The following FSTL4 variants were observed in gnomAD, a reference collection of about 807,000 sequenced individuals.
The protein encoded by FSTL4 is follistatin like 4.
Under a neutral mutation model 78.2 loss-of-function variants are expected in FSTL4, and 28 were observed. That is an observed-to-expected ratio of 0.36 (90% CI 0.27 to 0.49). The LOEUF is 0.49. Ranked by LOEUF, FSTL4 falls within the 20% of genes least tolerant of loss-of-function variation. FSTL4 has a pLI of 0.98. For missense variants in FSTL4, 922 were observed against 1,084.9 expected (o/e 0.85, Z 2.11); for synonymous variants, 422 against 440.5 (o/e 0.96, Z 0.53).
At chr5:133,438,986 G>A (rs762291482) in intron 3 of FSTL4, among the ~76,000 whole-genome samples, 6 of 152,242 alleles carry the variant, frequency 3.9e-5, no homozygotes, top group Non-Finnish European at 8.8e-5. Flanking sequence ...GGAAGTCAGT[G>A]TAGGTAATAA....
the FSTL4 span, among the ~76,000 whole-genome samples, chr5:133,779,293 A>G: frequency 6.6e-6 from 1 of 152,154 alleles, no homozygotes; most frequent in Non-Finnish European, 1.5e-5. Flanking sequence ...CCCTTATAAA[A>G]TAAGTGATGT....
At chr5:133,500,644 G>C (rs1758474634) in intron 3 of FSTL4, among the ~76,000 whole-genome samples, 1 of 152,088 alleles carries the variant, frequency 6.6e-6, no homozygotes, top group Non-Finnish European at 1.5e-5. Context: ...TTCCAAGCTT[G>C]CACTCTCAGG....
At chr5:133,534,311 G>A (rs1034142275) in intron 3 of FSTL4, among the ~76,000 whole-genome samples, 6 of 152,182 alleles carry the variant, frequency 3.9e-5, no homozygotes, top group African/African-American at 1.4e-4. Flanking sequence ...TCCCTCTGCT[G>A]TTTTCCAGTG....
chr5:133,471,871 C>A (rs943577979), intron 3 of FSTL4, among the ~76,000 whole-genome samples: 1 of 152,230 alleles, frequency 6.6e-6, no homozygotes, highest in Admixed American at 6.5e-5. Flanking sequence ...TAACACTACA[C>A]TTTTCATCCC....
rs994605592 is a variant in FSTL4 at position 133,438,364 on chromosome 5, T to C, written c.161-37378A>G. ...CTTCCAGAATGCTAGTAGAGTTTTT[T>C]GGTGTGGGTATTTCAAAACCCTTTC... is the stretch of plus-strand genomic sequence containing the variant. On this transcript the variant is annotated intron_variant, in intron 3 of 15. Transcript: ENST00000265342. Among the ~76,000 whole-genome samples the C allele has an allele frequency of 4.6e-5, 7 of 152,376 alleles. No homozygotes were observed. The East Asian group carries it at 1.3e-3, about 29-fold the overall frequency.
chr5:133,419,719 T>C (rs1304862764), intron 3 of FSTL4, among the ~76,000 whole-genome samples: 1 of 152,252 alleles, frequency 6.6e-6, no homozygotes, highest in Non-Finnish European at 1.5e-5. Context: ...CAGCAGATTA[T>C]GAATGTTCTG....
chr5:133,288,783 C>T (rs1220928476), intron 6 of FSTL4, among the ~76,000 whole-genome samples: 1 of 152,176 alleles, frequency 6.6e-6, no homozygotes, highest in Admixed American at 6.5e-5. Flanking sequence ...CAGCCCCTGT[C>T]AGGACAGCTG....
chr5:133,685,002 A>C, the FSTL4 span, among the ~76,000 whole-genome samples: 1 of 152,268 alleles, frequency 6.6e-6, no homozygotes, highest in Non-Finnish European at 1.5e-5. Flanking sequence ...GACCTGCTCC[A>C]AACAGCCTAT....
the FSTL4 span, among the ~76,000 whole-genome samples, chr5:133,704,364 A>G: frequency 1.3e-5 from 2 of 152,216 alleles, no homozygotes; most frequent in African/African-American, 4.8e-5. Flanking sequence ...TAGAGCAATA[A>G]GCAGAGATCC....
intron 1 of FSTL4, 121 bp from the exon 2 acceptor site, chr5:133,604,114 C>A: frequency 1.4e-6 from 1 of 691,062 alleles, no homozygotes; most frequent in Non-Finnish European, 2.5e-6. Flanking sequence ...TGGCACCAAA[C>A]TTCTGTTCTA....
intron 3 of FSTL4, among the ~76,000 whole-genome samples, chr5:133,495,198 G>A (rs577535060): frequency 3.0e-4 from 46 of 152,276 alleles, no homozygotes; most frequent in Non-Finnish European, 5.6e-4. Context: ...TGGGAGAATC[G>A]TGCTATTAAT....
chr5:133,457,426 A>G (rs1398479582), intron 3 of FSTL4, among the ~76,000 whole-genome samples: 1 of 152,110 alleles, frequency 6.6e-6, no homozygotes, highest in Non-Finnish European at 1.5e-5. Flanking sequence ...GTATGCATAG[A>G]CTCACCCCTT....
At chr5:133,623,510 T>G in the FSTL4 span, among the ~76,000 whole-genome samples, 1 of 151,990 alleles carries the variant, frequency 6.6e-6, no homozygotes, top group East Asian at 1.9e-4. Flanking sequence ...AAAATTGAAT[T>G]ATGACCTAAA....
At chr5:133,723,202 C>A in the FSTL4 span, among the ~76,000 whole-genome samples, 1 of 152,122 alleles carries the variant, frequency 6.6e-6, no homozygotes, top group African/African-American at 2.4e-5. Context: ...TTCCACTAAG[C>A]AAGGGTCTTT....
intron 3 of FSTL4, among the ~76,000 whole-genome samples, chr5:133,425,356 C>T (rs1432119403): frequency 6.6e-6 from 1 of 152,216 alleles, no homozygotes; most frequent in Non-Finnish European, 1.5e-5. Flanking sequence ...TAGAGGCTGG[C>T]AGAGATAATG....
At chr5:133,550,954 A>C (rs1759680570) in intron 3 of FSTL4, among the ~76,000 whole-genome samples, 2 of 152,182 alleles carry the variant, frequency 1.3e-5, no homozygotes, top group Non-Finnish European at 2.9e-5. Context: ...TGGTCATTGT[A>C]CACTTACGAT....
intron 3 of FSTL4, among the ~76,000 whole-genome samples, chr5:133,405,450 C>T (rs147097421): frequency 3.9e-5 from 6 of 152,348 alleles, no homozygotes; most frequent in African/African-American, 1.4e-4. Context: ...TGGGCAGATA[C>T]AGCCCTTACA....
At chr5:133,628,533 A>G in the FSTL4 span, among the ~76,000 whole-genome samples, 1 of 151,790 alleles carries the variant, frequency 6.6e-6, no homozygotes, top group East Asian at 1.9e-4. Flanking sequence ...CTAATTTTGT[A>G]TTTTTTAGTA....
the FSTL4 span, among the ~76,000 whole-genome samples, chr5:133,630,344 A>G: frequency 2.2e-5 from 3 of 134,110 alleles, no homozygotes; most frequent in South Asian, 5.0e-4. Context: ...GAATTCCTAT[A>G]CACCAATAAT....
Sources: allele counts gnomAD v4.1 joint callset (sites outside exome capture counted in the v4.1 genomes callset), GRCh38; gene constraint gnomAD v4.1.1; transcripts MANE v1.5; gene names NCBI Gene and HGNC (gene_info 2026-07-23, HGNC 2026-07-21).